The following ADSL variants were observed in gnomAD, a reference collection of about 807,000 sequenced individuals.
ADSL encodes adenylosuccinate lyase.
Under a neutral mutation model 62.1 loss-of-function variants are expected in ADSL, and 44 were observed. That is an observed-to-expected ratio of 0.71 (90% confidence interval 0.56 to 0.91). The LOEUF is 0.91. Among genes scored for constraint, ADSL ranks in the 40% least tolerant of loss-of-function variants. The probability of loss-of-function intolerance (pLI) is 0.00; values close to 1 mark genes in which losing one functional copy is unlikely to be tolerated. For missense variants in ADSL, 531 were observed against 627.4 expected, an observed-to-expected ratio of 0.85 and a Z score of 1.64; for synonymous variants, 198 against 220.5, an observed-to-expected ratio of 0.90 and a Z score of 0.90.
Position 40,367,635 on chromosome 22 carries a change from C to G in ADSL, c.*1113C>G, listed in dbSNP as rs1252971504. On this transcript the variant is annotated 3_prime_UTR_variant, in exon 13 of 13. Transcript: ENST00000623063. ...TATAGCTGATTGAAGCAACTGTAGCCAAAGATTGAGTTAATTACCTACCTG... is the reference window on the plus strand; with the variant it reads ...TATAGCTGATTGAAGCAACTGTAGCGAAAGATTGAGTTAATTACCTACCTG... 1 of 167,086 alleles carries G rather than the reference C, an allele frequency of 6.0e-6. No individual in the cohort carries two copies. Among genetic ancestry groups the G allele is most frequent in the African/African-American group, 2.4e-5 (1 of 41,418 alleles). 10.4% of individuals were successfully genotyped at this position (167,086 alleles called of 1,614,324 possible).
chr22:40,364,206 C>A, intron 10 of ADSL, 70 bp from the exon 11 acceptor site: 3 of 1,266,890 alleles, frequency 2.4e-6, no homozygotes, highest in Non-Finnish European at 3.4e-6. Flanking sequence ...TTTTGTTTGA[C>A]ATCCTGCTGT....
At chr22:40,382,490 C>T (rs892494990) in intron 2 of ADSL, among the ~76,000 whole-genome samples, 1 of 152,116 alleles carries the variant, frequency 6.6e-6, no homozygotes, top group Non-Finnish European at 1.5e-5. Context: ...TATATGTGAC[C>T]TCTCCATGTT....
At chr22:40,358,188 C>T (rs2044638362) in intron 4 of ADSL, among the ~76,000 whole-genome samples, 1 of 152,164 alleles carries the variant, frequency 6.6e-6, no homozygotes, top group African/African-American at 2.4e-5. Flanking sequence ...AAGAGTACAT[C>T]AGATACTTGG....
chr22:40,365,172 C>T, intron 12 of ADSL, 116 bp downstream of exon 12: 1 of 1,151,076 alleles, frequency 8.7e-7, no homozygotes, highest in Non-Finnish European at 1.3e-6. Flanking sequence ...AAAATCAGAG[C>T]AGGTTGCTGG....
downstream of ADSL, among the ~76,000 whole-genome samples, chr22:40,371,586 TTTC>T (rs1410016958): frequency 2.6e-5 from 4 of 152,260 alleles, no homozygotes; most frequent in African/African-American, 9.6e-5. Flanking sequence ...GTTTCCCGCT[TTTC>T]TTGCTCTTTT....
intron 11 of ADSL, 149 bp from the exon 12 acceptor site, chr22:40,364,731 G>C: frequency 1.2e-6 from 1 of 814,906 alleles, no homozygotes; most frequent in South Asian, 1.5e-5. Context: ...AGAAGACCCT[G>C]GTACAGATAG....
chr22:40,346,772 G>A (rs1359148393), intron 1 of ADSL, 61 bp downstream of exon 1: 25 of 1,528,076 alleles, frequency 1.6e-5, no homozygotes, highest in Non-Finnish European at 2.1e-5. Flanking sequence ...AGCACGTGCC[G>A]GGCTCTGTTC....
downstream of ADSL, chr22:40,372,607 A>T (rs1366058146): frequency 3.9e-5 from 6 of 152,230 alleles, no homozygotes; most frequent in Non-Finnish European, 8.8e-5. Flanking sequence ...TGTCAGGTTG[A>T]TAGAAAAGTG....
chr22:40,359,119 A>G (rs948752061), intron 5 of ADSL, 84 bp downstream of exon 5: 1 of 1,596,782 alleles, frequency 6.3e-7, no homozygotes. Flanking sequence ...GATAGGAGAG[A>G]TTGACTGTGG....
intron 2 of ADSL, among the ~76,000 whole-genome samples, chr22:40,385,066 T>C (rs1423665699): frequency 6.6e-6 from 1 of 152,166 alleles, no homozygotes; most frequent in Non-Finnish European, 1.5e-5. Context: ...AAAAACAATA[T>C]GGTCTGTGCC....
In ADSL at chr22:40,365,076, C is replaced by A. The variant is rs1355562506; in HGVS notation, c.1368+20C>A. The A allele has an allele frequency of 6.2e-7, 1 of 1,607,904 alleles. No homozygotes were observed. The highest frequency in any genetic ancestry group is 1.1e-5 in the South Asian group (1 of 90,922). ...CAGCAGGTAAGCTTCCAAGAAGCCT[C>A]TTTTCTGCTGGGCTGCAGAACCTGG... On this transcript the variant is annotated intron_variant, in intron 12 of 12. Coordinates refer to ENST00000623063, the MANE Select transcript of ADSL (RefSeq NM_000026.4).
chr22:40,350,779 G>A (rs547770771), intron 2 of ADSL, among the ~76,000 whole-genome samples: 2 of 150,612 alleles, frequency 1.3e-5, no homozygotes, highest in East Asian at 2.0e-4. Flanking sequence ...CCACCACGCC[G>A]CCTGGCTAAT....
intron 4 of ADSL, among the ~76,000 whole-genome samples, chr22:40,358,068 G>A (rs1413680883): frequency 2.6e-5 from 4 of 152,104 alleles, no homozygotes; most frequent in African/African-American, 7.2e-5. Context: ...ATGAGCCACC[G>A]CGCCTGGCCT....
downstream of ADSL, among the ~76,000 whole-genome samples, chr22:40,374,120 T>G (rs1203490056): frequency 6.6e-6 from 1 of 151,624 alleles, no homozygotes; most frequent in Non-Finnish European, 1.5e-5. Context: ...GCCCGGCTAA[T>G]TTTTTGTATT....
rs754714101 is a variant in ADSL at position 40,364,895 on chromosome 22, A to C, written c.1207A>C (p.Ile403Leu). ...GGSRQDCHEK[I>L]RVLSQQAASV... ...GTCTTCCCAGGATTGCCATGAGAAA[A>C]TCAGAGTGCTTTCTCAGCAGGCAGC... Residue 403 changes from isoleucine (I) to leucine (L), a missense_variant, in exon 12 of 13, where the codon ATC becomes CTC. Physicochemically the swap from Ile to Leu is conservative, Grantham distance 5. Transcript: ENST00000623063. The C allele has an allele frequency of 5.0e-6, 8 of 1,614,222 alleles. No homozygotes were observed. In the Admixed American group the frequency reaches 1.0e-4, roughly 20 times the overall value.
At position 40,346,798 on chromosome 22, in the gene ADSL, C is replaced by T; in HGVS notation, c.153+87C>T. On this transcript the variant is annotated intron_variant, in intron 1 of 12. Transcript: ENST00000623063. The stretch of plus-strand genomic sequence containing the variant: ...GGCTCTGTTCCGGGCTGGGCTTAGC[C>T]ACCCCGGAGCTGCGGCCCGGCTATT... 11 of 1,384,284 alleles carry T rather than the reference C, an allele frequency of 7.9e-6. No individual in the cohort carries two copies. The South Asian group carries it at 1.2e-4, about 15-fold the overall frequency. 85.8% of individuals were successfully genotyped at this position (1,384,284 alleles called of 1,614,324 possible).
At chr22:40,356,662 T>C (rs1280238008) in intron 4 of ADSL, among the ~76,000 whole-genome samples, 2 of 149,434 alleles carry the variant, frequency 1.3e-5, no homozygotes, top group Non-Finnish European at 3.0e-5. Context: ...CTGGGCAACA[T>C]AGGGAGACCA....
At chr22:40,351,888 CG>C (rs1383848218) in intron 2 of ADSL, 1 of 150,636 alleles carries the variant, frequency 6.6e-6, no homozygotes, top group Non-Finnish European at 1.5e-5. Context: ...CTCCTGACCT[CG>C]TGATCCACCC....
intron 1 of ADSL, among the ~76,000 whole-genome samples, chr22:40,346,915 C>G (rs2044164968): frequency 6.6e-6 from 1 of 152,226 alleles, no homozygotes; most frequent in Non-Finnish European, 1.5e-5. Flanking sequence ...CTCACGTGTT[C>G]TCAGTCCGAG....
Sources: gnomAD v4.1 joint callset for allele counts (sites outside exome capture counted in the v4.1 genomes callset) on GRCh38, gnomAD v4.1.1 for gene constraint, MANE v1.5 for transcripts, NCBI Gene and HGNC (gene_info 2026-07-23, HGNC 2026-07-21) for gene names.